The following INTS10 variants were observed in gnomAD, a reference collection of about 807,000 sequenced individuals.
The protein encoded by INTS10 is integrator complex subunit 10, also known as chromosome 8 open reading frame 35.
INTS10 carries 44 observed loss-of-function variants against 94.4 expected under a neutral mutation model. The observed-to-expected ratio is 0.47, with a 90% confidence interval of 0.37 to 0.60. INTS10 has a LOEUF of 0.60. Ranked by LOEUF, INTS10 falls within the 20% of genes least tolerant of loss-of-function variation. The pLI is 0.00. For missense variants in INTS10, 797 were observed against 868.7 expected, an observed-to-expected ratio of 0.92 and a Z score of 1.04; for synonymous variants, 341 against 320.7, an observed-to-expected ratio of 1.06 and a Z score of -0.68.
chr8:19,851,939 C>T lies in INTS10; in HGVS notation c.*134C>T, dbSNP rs915903633. The T allele has an allele frequency of 1.5e-6, 1 of 651,246 alleles. No individual in the cohort carries two copies. Among genetic ancestry groups the T allele is most frequent in the Admixed American group, 3.1e-5 (1 of 32,700 alleles). The allele number at this position is 651,246 out of a possible 1,614,324, so 40.3% of individuals were successfully genotyped here. On this transcript the variant is annotated 3_prime_UTR_variant, in exon 17 of 17. Transcript: ENST00000397977. The surrounding 1 kb of genome is among the most constrained non-coding windows in gnomAD (Gnocchi z 5.0). ...AAGAAAACCATCTGAGTTCTAACTCCTTGGTTGCTTAAAAGTAGTTCCCAA... is the reference window on the plus strand; with the variant it reads ...AAGAAAACCATCTGAGTTCTAACTCTTTGGTTGCTTAAAAGTAGTTCCCAA...
In INTS10 at chr8:19,841,766, C is replaced by G. The variant is rs574062638; in HGVS notation, c.1640-1082C>G. 148 of 448,476 alleles carry G rather than the reference C, an allele frequency of 3.3e-4. 4 individuals are homozygous for G. The highest frequency in any genetic ancestry group is 2.3e-3 in the South Asian group (146 of 62,576). The allele number at this position is 448,476 out of a possible 1,614,324, so 27.8% of individuals were successfully genotyped here. On this transcript the variant is annotated intron_variant, in intron 13 of 16. Coordinates refer to ENST00000397977, the MANE Select transcript of INTS10 (RefSeq NM_018142.4). Reference sequence around the variant, plus strand: ...GTCATTACCTAATTATTAAATGTACCTCGCGTCCTAGTTGTATACCTTAGA... The same window carrying G: ...GTCATTACCTAATTATTAAATGTACGTCGCGTCCTAGTTGTATACCTTAGA...
At chr8:19,847,656 G>C (rs949436820) in intron 16 of INTS10, among the ~76,000 whole-genome samples, 2 of 152,180 alleles carry the variant, frequency 1.3e-5, no homozygotes, top group African/African-American at 4.8e-5. Context: ...GTGAGAGATG[G>C]ATTGTCAAAA....
chr8:19,837,985 A>G (rs1451276070), intron 13 of INTS10, among the ~76,000 whole-genome samples: 3 of 152,232 alleles, frequency 2.0e-5, no homozygotes, highest in Admixed American at 6.5e-5. Flanking sequence ...TTATGCCAAT[A>G]AATTTAACAA....
intron 13 of INTS10, chr8:19,841,709 G>A (rs149742941): frequency 1.3e-4 from 56 of 416,490 alleles, no homozygotes; most frequent in Non-Finnish European, 2.4e-4. Flanking sequence ...CAACCATTCT[G>A]GAAACCAACT....
rs763675169 is a variant in INTS10, at chr8:19,837,038, C to T, written c.1531-14C>T. On this transcript the variant is annotated splice_polypyrimidine_tract_variant and intron_variant, in intron 12 of 16. Transcript: ENST00000397977. The stretch of plus-strand genomic sequence containing the variant: ...AGCTTCAAGTTAGTTCCTTTTTGGT[C>T]TTTTCTGCTTTAGATGACATGTGAA... 6.4e-7 allele frequency: 1 copy of T among 1,567,178 alleles called. No homozygotes were observed. Among genetic ancestry groups the T allele is most frequent in the Admixed American group, 1.7e-5 (1 of 59,092 alleles).
At chr8:19,837,234 A>G in intron 13 of INTS10, 74 bp downstream of exon 13, 1 of 942,062 alleles carries the variant, frequency 1.1e-6, no homozygotes, top group Non-Finnish European at 1.7e-6. Flanking sequence ...CACACTTGTA[A>G]TCTCAGCTAC....
At position 19,824,878 on chromosome 8, in the gene INTS10, A is replaced by T. The variant is rs765498146; in HGVS notation, c.912A>T (p.Ala304=). 79 of 1,613,500 alleles carry T rather than the reference A, an allele frequency of 4.9e-5. No homozygotes were observed. The highest frequency in any genetic ancestry group is 6.4e-5 in the Non-Finnish European group (75 of 1,179,526). ...ACAACTTTGATAGTGAAGCACATGCAAAATATAAAAACCAAGTGGTGTATT... is the reference window on the plus strand; with the variant it reads ...ACAACTTTGATAGTGAAGCACATGCTAAATATAAAAACCAAGTGGTGTATT... ...YMNNFDSEAH[A]KYKNQVVYST... is the part of the protein sequence containing the mutation. Residue 304 remains alanine (A), a synonymous_variant, in exon 8 of 17, where the codon GCA becomes GCT. Coordinates refer to ENST00000397977, the MANE Select transcript of INTS10 (RefSeq NM_018142.4).
intron 9 of INTS10, among the ~76,000 whole-genome samples, chr8:19,830,063 G>C (rs1264585157): frequency 6.6e-6 from 1 of 152,080 alleles, no homozygotes; most frequent in African/African-American, 2.4e-5. Context: ...CTATAAACAG[G>C]TGCTGTTTAA....
intron 4 of INTS10, chr8:19,821,365 G>A (rs1804378495): frequency 6.6e-6 from 1 of 152,204 alleles, no homozygotes; most frequent in Admixed American, 6.6e-5. Context: ...GGCATTCCCT[G>A]GCAGGCAGCT....
At position 19,849,301 on chromosome 8, in the gene INTS10, G is replaced by A; in HGVS notation, c.1977-2348G>A. On this transcript the variant is annotated intron_variant, in intron 16 of 16. Transcript: ENST00000397977. This position sits in a 1 kb window ranked among gnomAD's most constrained non-coding sequence, Gnocchi z 4.6. ...GTTTGTCAACATGTTCGCTGCCCATGGTTCTCAGCTCTTCGTTCCTCAGTG... is the reference window on the plus strand; with the variant it reads ...GTTTGTCAACATGTTCGCTGCCCATAGTTCTCAGCTCTTCGTTCCTCAGTG... 1 of 803,786 alleles carries A rather than the reference G, an allele frequency of 1.2e-6. No homozygotes were observed. Among genetic ancestry groups the A allele is most frequent in the Non-Finnish European group, 1.8e-6 (1 of 554,408 alleles). 49.8% of individuals were successfully genotyped at this position (803,786 alleles called of 1,614,324 possible).
chr8:19,822,948 C>CA (rs150654357), intron 5 of INTS10, among the ~76,000 whole-genome samples: 33,248 of 118,922 alleles, frequency 0.28, 4,053 homozygotes, highest in Middle Eastern at 0.49. Context: ...GACTCTGTCT[C>CA]AAAAAAAAAA....
intron 9 of INTS10, among the ~76,000 whole-genome samples, chr8:19,829,656 A>G (rs1183685945): frequency 1.3e-5 from 2 of 152,126 alleles, no homozygotes; most frequent in Non-Finnish European, 2.9e-5. Flanking sequence ...ATTATTTCTT[A>G]GAGGACGCAG....
At chr8:19,845,477 G>A (rs2068497912) in intron 15 of INTS10, 1 of 543,142 alleles carries the variant, frequency 1.8e-6, no homozygotes, top group Non-Finnish European at 3.3e-6. Context: ...TAAGAATCAG[G>A]TTTTGGCATC....
chr8:19,823,249 C>G (rs2066527271), intron 5 of INTS10, 52 bp from the exon 6 acceptor site: 1 of 1,440,740 alleles, frequency 6.9e-7, no homozygotes, highest in Non-Finnish European at 9.7e-7. Context: ...TTTATCGGAA[C>G]TCTAGGGTAG....
chr8:19,835,697 T>C (rs1247713440), intron 12 of INTS10, among the ~76,000 whole-genome samples: 1 of 152,190 alleles, frequency 6.6e-6, no homozygotes. Flanking sequence ...AGTTTTCAAC[T>C]ACCAGGCTGC....
Position 19,843,027 on chromosome 8 carries a change from A to T in INTS10, c.1719+100A>T, listed in dbSNP as rs2068263132. 3 of 842,256 alleles carry T rather than the reference A, an allele frequency of 3.6e-6. No individual in the cohort carries two copies. The highest frequency in any genetic ancestry group is 4.0e-6 in the Non-Finnish European group (2 of 503,058). 52.2% of individuals were successfully genotyped at this position (842,256 alleles called of 1,614,324 possible). The stretch of plus-strand genomic sequence containing the variant: ...CCTTGCTAAGGATTGTTATTTTAGT[A>T]CTTTTGAGGGCAGGCCCAAACAGTT... On this transcript the variant is annotated intron_variant, in intron 14 of 16. Coordinates refer to ENST00000397977, the MANE Select transcript of INTS10 (RefSeq NM_018142.4). This position sits in a 1 kb window ranked among gnomAD's most constrained non-coding sequence, Gnocchi z 4.7.
chr8:19,833,370 G>A, intron 12 of INTS10, 49 bp downstream of exon 12: 1 of 1,396,694 alleles, frequency 7.2e-7, no homozygotes, highest in Non-Finnish European at 9.5e-7. Flanking sequence ...GGGGCCACCT[G>A]GCCTTTCTCC....
At chr8:19,827,889 T>G (rs2066926319) in intron 9 of INTS10, among the ~76,000 whole-genome samples, 1 of 152,186 alleles carries the variant, frequency 6.6e-6, no homozygotes, top group African/African-American at 2.4e-5. Context: ...TCACAGTGTT[T>G]TGTTTGTTTA....
In INTS10 at chr8:19,820,434, G is replaced by A. The variant is rs768330209; in HGVS notation, c.357G>A (p.Thr119=). ...RVQCEMLLKV[T]EQCFNTLERS... Reference sequence around the variant, plus strand: ...AGTGTGAAATGTTACTAAAGGTCACGGAACAATGCTTCAACACGTTAGAAC... The same window carrying A: ...AGTGTGAAATGTTACTAAAGGTCACAGAACAATGCTTCAACACGTTAGAAC... Residue 119 remains threonine, a synonymous_variant, in exon 4 of 17, where the codon ACG becomes ACA. Coordinates refer to ENST00000397977, the MANE Select transcript of INTS10 (RefSeq NM_018142.4). 24 of 1,613,334 alleles carry A rather than the reference G, an allele frequency of 1.5e-5. No individual in the cohort carries two copies. Among genetic ancestry groups the A allele is most frequent in the Admixed American group, 6.7e-5 (4 of 60,000 alleles).
Sources: gnomAD v4.1 joint callset for allele counts (sites outside exome capture counted in the v4.1 genomes callset) on GRCh38, gnomAD v4.1.1 for gene constraint, Gnocchi (gnomAD v3.1) non-coding constraint, MANE v1.5 for transcripts, NCBI Gene and HGNC (gene_info 2026-07-23, HGNC 2026-07-21) for gene names.